Variants in FERMT2 observed in about 807,000 individuals in gnomAD.
FERMT2 encodes the protein FERM domain containing kindlin 2.
Under a neutral mutation model 82.7 loss-of-function variants are expected in FERMT2, and 15 were observed. The observed-to-expected ratio is 0.18, with a 90% CI of 0.12 to 0.28. The LOEUF (loss-of-function observed/expected upper bound fraction) is 0.28. Among genes scored for constraint, FERMT2 ranks in the 10% least tolerant of loss-of-function variants. The pLI is 1.00. For synonymous variants in FERMT2, 274 were observed against 271.5 expected (o/e 1.01, Z -0.09); for missense variants, 645 against 809.4 (o/e 0.80, Z 2.46).
chr14:52,881,935 C>A, intron 4 of FERMT2: 2 of 440,262 alleles, frequency 4.5e-6, no homozygotes, highest in Non-Finnish European at 3.9e-6. Context: ...ACAGATTTTC[C>A]CTAATTGTGA....
At chr14:52,865,913 CTTTGT>C (rs1414540809) in intron 10 of FERMT2, among the ~76,000 whole-genome samples, 1 of 152,158 alleles carries the variant, frequency 6.6e-6, no homozygotes, top group Non-Finnish European at 1.5e-5. Context: ...CCCCCCTGCC[CTTTGT>C]TTTCTTTTTA....
intron 2 of FERMT2, among the ~76,000 whole-genome samples, chr14:52,946,476 G>C (rs953867571): frequency 6.6e-6 from 1 of 151,938 alleles, no homozygotes; most frequent in African/African-American, 2.4e-5. Flanking sequence ...AACAAAGCAA[G>C]ACCCATCTCT....
chr14:52,866,804 G>A (rs1042410348), intron 10 of FERMT2, among the ~76,000 whole-genome samples: 1 of 152,026 alleles, frequency 6.6e-6, no homozygotes, highest in Non-Finnish European at 1.5e-5. Flanking sequence ...TCCATTTCCT[G>A]CCACCGTACA....
intron 2 of FERMT2, among the ~76,000 whole-genome samples, chr14:52,937,033 G>A (rs146214536): frequency 7.9e-5 from 12 of 151,918 alleles, no homozygotes; most frequent in East Asian, 5.8e-4. Context: ...ATGGTGGTGC[G>A]TGCCTGTAAT....
intron 9 of FERMT2, among the ~76,000 whole-genome samples, 159 bp downstream of exon 9, chr14:52,874,018 G>A (rs1197806593): frequency 6.6e-6 from 1 of 151,528 alleles, no homozygotes; most frequent in Non-Finnish European, 1.5e-5. Flanking sequence ...TGTAAAAGTG[G>A]TTATTTTCTC....
intron 9 of FERMT2, 53 bp downstream of exon 9, chr14:52,874,124 G>T: frequency 8.7e-7 from 1 of 1,154,786 alleles, no homozygotes; most frequent in Non-Finnish European, 1.3e-6. Flanking sequence ...ATGTGACCAT[G>T]ACTATAAAGC....
At chr14:52,946,468 C>G (rs1281644376) in intron 2 of FERMT2, among the ~76,000 whole-genome samples, 1 of 151,518 alleles carries the variant, frequency 6.6e-6, no homozygotes, top group Non-Finnish European at 1.5e-5. Context: ...GCCTGGGCAA[C>G]AAAGCAAGAC....
At chr14:52,916,605 A>G (rs1888628767) in intron 3 of FERMT2, among the ~76,000 whole-genome samples, 1 of 152,202 alleles carries the variant, frequency 6.6e-6, no homozygotes, top group Non-Finnish European at 1.5e-5. Flanking sequence ...ATACCACAAC[A>G]GTAGATACAC....
intron 12 of FERMT2, 27 bp from the exon 13 acceptor site, chr14:52,860,492 C>T (rs752631647): frequency 6.3e-7 from 1 of 1,592,630 alleles, no homozygotes; most frequent in South Asian, 1.1e-5. Flanking sequence ...ATCACCTTTA[C>T]CATTGAACAT....
intron 4 of FERMT2, among the ~76,000 whole-genome samples, chr14:52,882,441 T>C (rs1433336026): frequency 1.3e-5 from 2 of 152,154 alleles, no homozygotes; most frequent in Admixed American, 6.5e-5. Context: ...AGTCAACAGA[T>C]GGTATGTGCT....
chr14:52,910,859 T>C (rs1281980044), intron 3 of FERMT2, among the ~76,000 whole-genome samples: 1 of 152,184 alleles, frequency 6.6e-6, no homozygotes, highest in African/African-American at 2.4e-5. Flanking sequence ...TCATCTTTCT[T>C]AGTTTTAATT....
intron 2 of FERMT2, among the ~76,000 whole-genome samples, chr14:52,942,965 C>A (rs765886871): frequency 6.6e-6 from 1 of 152,136 alleles, no homozygotes; most frequent in Non-Finnish European, 1.5e-5. Flanking sequence ...GTAATCCCAG[C>A]ACCTTGGGAG....
At chr14:52,939,552 T>A (rs1890002575) in intron 2 of FERMT2, among the ~76,000 whole-genome samples, 1 of 152,180 alleles carries the variant, frequency 6.6e-6, no homozygotes, top group Admixed American at 6.5e-5. Flanking sequence ...AAACACTTCA[T>A]GTGTATTAAC....
At position 52,950,577 on chromosome 14, in the gene FERMT2, C is replaced by T. The variant is rs1191692368; in HGVS notation, c.-9G>A. The stretch of plus-strand genomic sequence containing the variant: ...ATCCCGTCCAGAGCCATGGCTCCTT[C>T]CTGCGAGCGCGGAGGAAATGGCTCT... On this transcript the variant is annotated splice_region_variant and 5_prime_UTR_variant, in exon 2 of 15. Transcript: ENST00000341590. 2 of 1,611,128 alleles carry T rather than the reference C, an allele frequency of 1.2e-6. No individual in the cohort carries two copies. Among genetic ancestry groups the T allele is most frequent in the Non-Finnish European group, 1.7e-6 (2 of 1,178,774 alleles).
chr14:52,910,733 T>C (rs1254731745), intron 3 of FERMT2, among the ~76,000 whole-genome samples: 2 of 152,194 alleles, frequency 1.3e-5, no homozygotes, highest in African/African-American at 4.8e-5. Context: ...GTTATTTCCC[T>C]TTAAATAGTG....
At chr14:52,916,062 G>C (rs1197497445) in intron 3 of FERMT2, among the ~76,000 whole-genome samples, 2 of 152,198 alleles carry the variant, frequency 1.3e-5, no homozygotes, top group African/African-American at 4.8e-5. Context: ...GAAATGAGCT[G>C]GCTGGGCTTG....
intron 10 of FERMT2, among the ~76,000 whole-genome samples, chr14:52,869,102 G>T (rs994730329): frequency 1.3e-5 from 2 of 152,116 alleles, no homozygotes; most frequent in African/African-American, 4.8e-5. Context: ...AGTCAACAGT[G>T]GATCATTTAC....
intron 2 of FERMT2, among the ~76,000 whole-genome samples, chr14:52,931,757 G>A (rs369764496): frequency 1.3e-5 from 2 of 152,190 alleles, no homozygotes; most frequent in African/African-American, 2.4e-5. Context: ...GGGCGGGCGC[G>A]GTGGCTCACG....
intron 2 of FERMT2, among the ~76,000 whole-genome samples, chr14:52,921,410 C>T (rs1462674366): frequency 2.6e-5 from 4 of 152,172 alleles, no homozygotes; most frequent in African/African-American, 7.2e-5. Context: ...CAAAAGAATG[C>T]ATGTAACTGC....
Sources: gnomAD v4.1 joint callset for allele counts (sites outside exome capture counted in the v4.1 genomes callset) on GRCh38, gnomAD v4.1.1 for gene constraint, MANE v1.5 for transcripts, NCBI Gene and HGNC (gene_info 2026-07-23, HGNC 2026-07-21) for gene names.